CLTCL1: variants seen among roughly 807,000 people sequenced by gnomAD.
CLTCL1 encodes clathrin heavy chain like 1.
A neutral mutation model predicts 190.0 loss-of-function variants in CLTCL1; 159 were observed. That is an observed-to-expected ratio of 0.84 (90% CI 0.74 to 0.95). The LOEUF (loss-of-function observed/expected upper bound fraction) is 0.95, where lower values mean the gene tolerates loss of function less well. CLTCL1 is among the 40% of genes least tolerant of loss of function. The pLI, the probability that CLTCL1 is intolerant of heterozygous loss-of-function variation, is 0.00. For missense variants in CLTCL1, 1,878 were observed against 2,033.4 expected (o/e 0.92, Z 1.47); for synonymous variants, 752 against 769.6 (o/e 0.98, Z 0.38).
intron 31 of CLTCL1, 24 bp from the exon 32 acceptor site, chr22:19,180,262 A>C: frequency 6.2e-7 from 1 of 1,613,540 alleles, no homozygotes; most frequent in Non-Finnish European, 8.5e-7. Flanking sequence ...AATGACATTA[A>C]TGGTGGAAGG....
At chr22:19,219,097 A>G (rs1555950982) in intron 18 of CLTCL1, among the ~76,000 whole-genome samples, 1 of 152,192 alleles carries the variant, frequency 6.6e-6, no homozygotes, top group African/African-American at 2.4e-5. Flanking sequence ...ACCCTGGGGA[A>G]TCAAGCTATT....
chr22:19,265,024 G>A (rs1437163092), intron 2 of CLTCL1, among the ~76,000 whole-genome samples: 1 of 152,094 alleles, frequency 6.6e-6, no homozygotes, highest in African/African-American at 2.4e-5. Flanking sequence ...CCTGACCTCA[G>A]GTGATCCACC....
At chr22:19,256,324 ATT>A (rs2086748598) in intron 2 of CLTCL1, among the ~76,000 whole-genome samples, 1 of 130,914 alleles carries the variant, frequency 7.6e-6, no homozygotes, top group African/African-American at 2.9e-5. Context: ...CACTCAGCTA[ATT>A]TTTCTTTTTT....
At chr22:19,208,341 C>A (rs782171920) in intron 21 of CLTCL1, 30 bp from the exon 22 acceptor site, 53 of 1,606,030 alleles carry the variant, frequency 3.3e-5, no homozygotes, top group Non-Finnish European at 4.3e-5. Context: ...ATAGGTTAAC[C>A]CAGAGCTGAT....
chr22:19,256,120 C>G (rs991040310), intron 2 of CLTCL1, among the ~76,000 whole-genome samples: 20 of 152,018 alleles, frequency 1.3e-4, no homozygotes, highest in African/African-American at 4.8e-4. Context: ...AGGTTCAATG[C>G]AATCCCAATC....
At chr22:19,187,488 G>A (rs937787133) in intron 29 of CLTCL1, 70 bp downstream of exon 29, 2 of 1,509,612 alleles carry the variant, frequency 1.3e-6, no homozygotes, top group South Asian at 1.2e-5. Flanking sequence ...GGGAAGGGAT[G>A]TGACCCCCAA....
At position 19,183,607 on chromosome 22, in the gene CLTCL1, G is replaced by C. The variant is rs782700315; in HGVS notation, c.4610C>G (p.Ala1537Gly). 1.1e-5 allele frequency: 18 copies of C among 1,613,304 alleles called. No individual in the cohort carries two copies. The highest frequency in any genetic ancestry group is 1.5e-5 in the Non-Finnish European group (18 of 1,179,744). Residue 1537 changes from alanine (A) to glycine (G), a missense_variant, in exon 30 of 33, where the codon GCC becomes GGC. Transcript: ENST00000427926. ...LCKKDHLYKDAMQHAAESRDA... is the reference protein window; with the variant it reads ...LCKKDHLYKDGMQHAAESRDA... ...CCGCGACTCTGCAGCATGCTGCATG[G>C]CATCCTGCAGCCAAGGCAAATGCTT...
At chr22:19,188,153 G>C in intron 27 of CLTCL1, 62 bp from the exon 28 acceptor site, 1 of 1,415,458 alleles carries the variant, frequency 7.1e-7, no homozygotes, top group Non-Finnish European at 1.0e-6. Flanking sequence ...CACTAGGCAG[G>C]GGCACAGGTG....
intron 6 of CLTCL1, among the ~76,000 whole-genome samples, chr22:19,235,182 T>TC (rs1555961364): frequency 6.6e-6 from 1 of 151,520 alleles, no homozygotes; most frequent in Non-Finnish European, 1.5e-5. Context: ...TTTTTTTTTT[T>TC]CCCCTGAGAC....
intron 3 of CLTCL1, among the ~76,000 whole-genome samples, chr22:19,252,215 T>C (rs1555970353): frequency 6.6e-6 from 1 of 152,220 alleles, no homozygotes; most frequent in Non-Finnish European, 1.5e-5. Flanking sequence ...ACATCAATGA[T>C]AGCATTTTTT....
intron 2 of CLTCL1, among the ~76,000 whole-genome samples, chr22:19,271,252 C>T (rs980548471): frequency 4.6e-5 from 7 of 152,156 alleles, no homozygotes; most frequent in Non-Finnish European, 8.8e-5. Flanking sequence ...TGTCCCCACT[C>T]AAATCTCATC....
At chr22:19,263,288 C>T (rs181981491) in intron 2 of CLTCL1, among the ~76,000 whole-genome samples, 12 of 149,080 alleles carry the variant, frequency 8.0e-5, no homozygotes, top group Non-Finnish European at 7.4e-5. Context: ...GAGCTAAGGT[C>T]TCACTGTATT....
intron 27 of CLTCL1, among the ~76,000 whole-genome samples, chr22:19,188,580 T>C (rs1277861688): frequency 6.6e-6 from 1 of 152,054 alleles, no homozygotes; most frequent in East Asian, 1.9e-4. Context: ...GTGGTGGCTG[T>C]TGAAGGCTGG....
At chr22:19,206,299 T>A (rs2085048395) in intron 22 of CLTCL1, among the ~76,000 whole-genome samples, 1 of 152,126 alleles carries the variant, frequency 6.6e-6, no homozygotes, top group Non-Finnish European at 1.5e-5. Flanking sequence ...CGATCACAGC[T>A]CACCCCGATC....
At chr22:19,180,599 C>T in intron 31 of CLTCL1, 132 bp downstream of exon 31, 1 of 813,138 alleles carries the variant, frequency 1.2e-6, no homozygotes, top group Non-Finnish European at 2.0e-6. Context: ...CACCCAGTAG[C>T]CACTGGGATC....
chr22:19,241,981 C>G (rs1359047562), intron 4 of CLTCL1, among the ~76,000 whole-genome samples: 5 of 147,008 alleles, frequency 3.4e-5, no homozygotes, highest in African/African-American at 1.0e-4. Context: ...CTCGCTCTGT[C>G]GCCCAGGCTG....
chr22:19,190,826 G>A (rs1160863968), intron 27 of CLTCL1, among the ~76,000 whole-genome samples: 1 of 150,078 alleles, frequency 6.7e-6, no homozygotes, highest in African/African-American at 2.5e-5. Flanking sequence ...CACCCAGGCT[G>A]GAGTGCAGTG....
chr22:19,189,777 T>G lies in CLTCL1; in HGVS notation c.4323+1527A>C, dbSNP rs5746680. 9.4e-3 allele frequency among the ~76,000 whole-genome samples: 1,436 copies of G among 152,358 alleles called. 34 individuals carry two copies. Among genetic ancestry groups the G allele is most frequent in the East Asian group, 0.069 (357 of 5,192 alleles). The stretch of plus-strand genomic sequence containing the variant: ...TCTTTACTTGTTTCCAACTTCTTAT[T>G]GATACATGATAGTTGTGCATATTAA... On this transcript the variant is annotated intron_variant, in intron 27 of 32. Coordinates refer to ENST00000427926, the MANE Select transcript of CLTCL1 (RefSeq NM_007098.4).
chr22:19,195,188 C>G (rs2084656386), intron 26 of CLTCL1, among the ~76,000 whole-genome samples: 1 of 152,164 alleles, frequency 6.6e-6, no homozygotes, highest in Admixed American at 6.5e-5. Flanking sequence ...ACAGACAAAT[C>G]TACAAGGCAG....
Sources: gnomAD v4.1 joint callset for allele counts (sites outside exome capture counted in the v4.1 genomes callset) on GRCh38, gnomAD v4.1.1 for gene constraint, MANE v1.5 for transcripts, NCBI Gene and HGNC (gene_info 2026-07-23, HGNC 2026-07-21) for gene names.